Variants in SPOP observed in about 807,000 individuals in gnomAD.
The protein encoded by SPOP is speckle-type POZ protein.
A neutral mutation model predicts 45.6 loss-of-function variants in SPOP; 11 were observed. The ratio of observed to expected loss-of-function variants is 0.24; its 90% CI spans 0.15 to 0.40. SPOP has a LOEUF of 0.40. Among genes scored for constraint, SPOP ranks in the 10% least tolerant of loss-of-function variants. The pLI, the probability that SPOP is intolerant of heterozygous loss-of-function variation, is 1.00. For missense variants in SPOP, 152 were observed against 465.6 expected (o/e 0.33, Z 6.20); for synonymous variants, 166 against 166.3 (o/e 1.00, Z 0.01).
chr17:49,643,573 A>G (rs1478761609), intron 1 of SPOP, among the ~76,000 whole-genome samples: 1 of 152,136 alleles, frequency 6.6e-6, no homozygotes, highest in Non-Finnish European at 1.5e-5. Flanking sequence ...CTTATAAAGT[A>G]ATATAAGAAG....
intron 1 of SPOP, among the ~76,000 whole-genome samples, chr17:49,667,554 C>T (rs925876745): frequency 2.0e-5 from 3 of 152,020 alleles, no homozygotes; most frequent in Non-Finnish European, 4.4e-5. Flanking sequence ...GCACCACTGC[C>T]TACCAGCCTA....
intron 1 of SPOP, among the ~76,000 whole-genome samples, chr17:49,623,088 C>A (rs1367311106): frequency 6.6e-6 from 1 of 151,904 alleles, no homozygotes; most frequent in Non-Finnish European, 1.5e-5. Context: ...CTCACCGCAA[C>A]CTCCGCCTTT....
chr17:49,667,433 A>G (rs974942793), intron 1 of SPOP, among the ~76,000 whole-genome samples: 1 of 151,768 alleles, frequency 6.6e-6, no homozygotes, highest in Non-Finnish European at 1.5e-5. Context: ...CTACTAAAAT[A>G]CGAAAATTAG....
At chr17:49,653,740 A>C (rs1477476198) in intron 1 of SPOP, among the ~76,000 whole-genome samples, 1 of 151,470 alleles carries the variant, frequency 6.6e-6, no homozygotes, top group Non-Finnish European at 1.5e-5. Context: ...TTTCAGTAGA[A>C]GAGCCAGTGA....
At chr17:49,667,505 C>T (rs1251949720) in intron 1 of SPOP, among the ~76,000 whole-genome samples, 1 of 152,140 alleles carries the variant, frequency 6.6e-6, no homozygotes, top group Admixed American at 6.5e-5. Context: ...AGGAGAATCG[C>T]TTGAACCTGG....
At chr17:49,601,456 C>G (rs2071738708) in intron 9 of SPOP, 1 of 154,596 alleles carries the variant, frequency 6.5e-6, no homozygotes, top group African/African-American at 2.4e-5. Flanking sequence ...ACAGTGAAAC[C>G]AGCTACTGAT....
intron 5 of SPOP, chr17:49,618,390 C>G (rs2072135496): frequency 2.8e-6 from 1 of 360,758 alleles, no homozygotes; most frequent in Non-Finnish European, 5.4e-6. Flanking sequence ...CTGGGAAAAG[C>G]TCTTAGGTCA....
At chr17:49,626,781 T>C (rs1057116299) in intron 1 of SPOP, among the ~76,000 whole-genome samples, 1 of 152,162 alleles carries the variant, frequency 6.6e-6, no homozygotes, top group Admixed American at 6.5e-5. Flanking sequence ...TAAACTACAG[T>C]TGCACTTTCA....
At chr17:49,610,404 A>T (rs2143185333) in intron 6 of SPOP, among the ~76,000 whole-genome samples, 1 of 152,284 alleles carries the variant, frequency 6.6e-6, no homozygotes, top group East Asian at 1.9e-4. Context: ...TTTTTAGTAG[A>T]CATGGGGTTT....
At chr17:49,602,180 A>G in intron 8 of SPOP, 173 bp from the exon 9 acceptor site, 1 of 686,590 alleles carries the variant, frequency 1.5e-6, no homozygotes. Context: ...TGAAGGTTAG[A>G]TGTTTAAGCT....
At chr17:49,651,985 C>T (rs2072848703) in intron 1 of SPOP, among the ~76,000 whole-genome samples, 1 of 151,722 alleles carries the variant, frequency 6.6e-6, no homozygotes, top group South Asian at 2.1e-4. Flanking sequence ...TGCCATTGCA[C>T]TCCAGCCTGG....
intron 1 of SPOP, among the ~76,000 whole-genome samples, chr17:49,644,476 T>A (rs981513403): frequency 6.6e-6 from 1 of 152,060 alleles, no homozygotes; most frequent in Non-Finnish European, 1.5e-5. Flanking sequence ...AAGAAGAAGA[T>A]GATGATGATG....
intron 1 of SPOP, among the ~76,000 whole-genome samples, chr17:49,665,694 A>ACACC (rs1225412700): frequency 4.2e-5 from 6 of 142,084 alleles, no homozygotes; most frequent in Non-Finnish European, 9.2e-5. Context: ...ACACACACAC[A>ACACC]CCAATCTGGC....
intron 1 of SPOP, among the ~76,000 whole-genome samples, chr17:49,629,843 T>C (rs1054423329): frequency 6.6e-6 from 1 of 152,240 alleles, no homozygotes; most frequent in Non-Finnish European, 1.5e-5. Context: ...ATGATATCTA[T>C]GAATTAGCCT....
chr17:49,664,436 ATATAT>A (rs1284669724), intron 1 of SPOP, among the ~76,000 whole-genome samples: 22 of 152,334 alleles, frequency 1.4e-4, no homozygotes, highest in South Asian at 6.2e-4. Context: ...TTTCATAAAA[ATATAT>A]TATGTTAACG....
chr17:49,625,771 A>AAACAAC (rs1186209019), intron 1 of SPOP, among the ~76,000 whole-genome samples: 1 of 152,208 alleles, frequency 6.6e-6, no homozygotes, highest in Non-Finnish European at 1.5e-5. Context: ...TAAAAGTAAA[A>AAACAAC]AACAACAACA....
intron 1 of SPOP, among the ~76,000 whole-genome samples, chr17:49,666,862 T>C (rs1356670084): frequency 2.0e-5 from 3 of 152,086 alleles, no homozygotes; most frequent in Non-Finnish European, 4.4e-5. Context: ...CTCAGTTTGA[T>C]AAAAGATAAA....
rs2071704685 is a variant in SPOP, at chr17:49,599,684, G to C, written c.*694C>G. ...GTTTTCAACACCAATAAAGATTTTT[G>C]CAAAAGCCACCACATCAGAACACTC... On this transcript the variant is annotated 3_prime_UTR_variant, in exon 10 of 10. Coordinates refer to ENST00000504102, the MANE Select transcript of SPOP (RefSeq NM_001007228.2). 9.6e-6 allele frequency: 2 copies of C among 207,972 alleles called. No individual in the cohort carries two copies. The highest frequency in any genetic ancestry group is 4.6e-5 in the African/African-American group (2 of 43,850). 12.9% of individuals were successfully genotyped at this position (207,972 alleles called of 1,614,324 possible).
chr17:49,607,978 TC>T, intron 6 of SPOP, 49 bp from the exon 7 acceptor site: 1 of 1,578,990 alleles, frequency 6.3e-7, no homozygotes, highest in Non-Finnish European at 8.7e-7. Context: ...CAGTGAAATC[TC>T]TTGGTTGTTG....
Sources: allele counts gnomAD v4.1 joint callset (sites outside exome capture counted in the v4.1 genomes callset), GRCh38; gene constraint gnomAD v4.1.1; transcripts MANE v1.5; gene names NCBI Gene and HGNC (gene_info 2026-07-23, HGNC 2026-07-21).